Variants in PTGER3 observed in about 807,000 individuals in gnomAD.
PTGER3 encodes prostaglandin E2 receptor EP3 subtype.
PTGER3 carries 22 observed loss-of-function variants against 34.7 expected under a neutral mutation model. The ratio of observed to expected loss-of-function variants is 0.63; its 90% CI spans 0.45 to 0.91. The LOEUF (loss-of-function observed/expected upper bound fraction) is 0.91, where lower values mean the gene tolerates loss of function less well. Among genes scored for constraint, PTGER3 ranks in the 40% least tolerant of loss-of-function variants. The pLI, the probability that PTGER3 is intolerant of heterozygous loss-of-function variation, is 0.00. For synonymous variants in PTGER3, 241 were observed against 230.1 expected, an observed-to-expected ratio of 1.05 and a Z score of -0.43; for missense variants, 468 against 519.4, an observed-to-expected ratio of 0.90 and a Z score of 0.96.
chr1:71,018,609 A>G (rs1658126695), intron 1 of PTGER3, among the ~76,000 whole-genome samples: 2 of 152,160 alleles, frequency 1.3e-5, no homozygotes, highest in African/African-American at 2.4e-5. Context: ...AGAATTATCT[A>G]AAAACTCACT....
intron 2 of PTGER3, chr1:71,008,288 A>G (rs543929717): frequency 1.1e-6 from 1 of 894,308 alleles, no homozygotes; most frequent in East Asian, 1.2e-4. Flanking sequence ...TCAGTAAAGA[A>G]AATGTGTGAC....
At chr1:71,013,466 G>A (rs960463147) in intron 1 of PTGER3, among the ~76,000 whole-genome samples, 8 of 152,190 alleles carry the variant, frequency 5.3e-5, no homozygotes, top group African/African-American at 1.9e-4. Flanking sequence ...ACTTTGGGAG[G>A]CCGAGGCAGG....
chr1:70,880,902 T>C (rs990777835), intron 4 of PTGER3, among the ~76,000 whole-genome samples: 1 of 138,526 alleles, frequency 7.2e-6, no homozygotes, highest in Admixed American at 6.8e-5. Flanking sequence ...TTGTCTTATA[T>C]AGTGTCTTGT....
At chr1:70,974,275 C>T in intron 3 of PTGER3, 22 bp downstream of exon 3, 1 of 1,612,178 alleles carries the variant, frequency 6.2e-7, no homozygotes, top group Non-Finnish European at 8.5e-7. Context: ...TGCTATAAAT[C>T]CCGGCAGTTT....
chr1:70,866,808 A>G (rs1005140213), intron 4 of PTGER3, among the ~76,000 whole-genome samples: 1 of 152,144 alleles, frequency 6.6e-6, no homozygotes. Context: ...TGTAACTCCA[A>G]TCTGGACTTC....
chr1:71,005,563 T>C (rs1358079583), intron 2 of PTGER3, among the ~76,000 whole-genome samples: 1 of 152,228 alleles, frequency 6.6e-6, no homozygotes, highest in Non-Finnish European at 1.5e-5. Context: ...GAGAGCTTGC[T>C]GTTTTTATTA....
At chr1:70,928,712 A>G (rs187668637) in intron 4 of PTGER3, among the ~76,000 whole-genome samples, 43 of 152,324 alleles carry the variant, frequency 2.8e-4, no homozygotes, top group Middle Eastern at 6.8e-3. Flanking sequence ...AACCGGAGAA[A>G]CTTAAATATT....
At chr1:70,876,720 C>A (rs1257459896) in intron 4 of PTGER3, among the ~76,000 whole-genome samples, 1 of 152,044 alleles carries the variant, frequency 6.6e-6, no homozygotes, top group East Asian at 1.9e-4. Context: ...GAGTCCTTTC[C>A]CCATTACTTG....
intron 4 of PTGER3, among the ~76,000 whole-genome samples, chr1:70,853,118 G>T (rs2100420417): frequency 6.6e-6 from 1 of 152,256 alleles, no homozygotes; most frequent in East Asian, 1.9e-4. Context: ...AAAAGAAGAA[G>T]ATCCTATATT....
At chr1:70,993,487 A>G (rs1350470895) in intron 2 of PTGER3, among the ~76,000 whole-genome samples, 1 of 152,218 alleles carries the variant, frequency 6.6e-6, no homozygotes, top group Non-Finnish European at 1.5e-5. Context: ...TTGTACAGTT[A>G]GGCTAAAATG....
intron 4 of PTGER3, among the ~76,000 whole-genome samples, chr1:70,923,860 T>G (rs1647788448): frequency 6.6e-6 from 1 of 152,220 alleles, no homozygotes; most frequent in South Asian, 2.1e-4. Context: ...ATGACTGCAA[T>G]AAGAATCTGT....
chr1:71,025,173 CT>C (rs1224648804), intron 1 of PTGER3, among the ~76,000 whole-genome samples: 1 of 98,944 alleles, frequency 1.0e-5, no homozygotes, highest in East Asian at 2.5e-4. Flanking sequence ...TCTTTCCTTC[CT>C]TTTTTTCCTT....
At position 70,902,803 on chromosome 1, in the gene PTGER3, T is replaced by G. The variant is rs1235892412; in HGVS notation, c.*24-49944A>C. ...ATTTACCAAATCAAAGATTTGGAAC[T>G]GAAATCCACTAGCAAGTGGCAGTTA... On this transcript the variant is annotated intron_variant, in intron 4 of 4. Coordinates refer to the PTGER3 transcript ENST00000370931. 3.9e-5 allele frequency among the ~76,000 whole-genome samples: 6 copies of G among 152,168 alleles called. No homozygotes were observed. The East Asian group carries it at 1.2e-3, about 29-fold the overall frequency.
At chr1:70,988,807 G>A (rs1655164258) in intron 2 of PTGER3, among the ~76,000 whole-genome samples, 1 of 152,046 alleles carries the variant, frequency 6.6e-6, no homozygotes. Flanking sequence ...CATCCCATCA[G>A]CCAGAATAAA....
intron 2 of PTGER3, among the ~76,000 whole-genome samples, chr1:71,004,527 T>C (rs1365206418): frequency 1.3e-5 from 2 of 152,220 alleles, no homozygotes; most frequent in African/African-American, 4.8e-5. Context: ...AGACTAAATA[T>C]GCAAACATCT....
chr1:70,907,389 CAG>C (rs969436768), intron 4 of PTGER3, among the ~76,000 whole-genome samples: 1 of 152,150 alleles, frequency 6.6e-6, no homozygotes, highest in African/African-American at 2.4e-5. Flanking sequence ...TCATAGGTAA[CAG>C]AGAAAAAGAA....
At chr1:71,043,626 A>C (rs916188414) in intron 1 of PTGER3, among the ~76,000 whole-genome samples, 1 of 152,112 alleles carries the variant, frequency 6.6e-6, no homozygotes, top group Admixed American at 6.5e-5. Context: ...CCTATATTAC[A>C]CTCATAGTTA....
At chr1:70,981,387 CTTT>C (rs1557708662) in intron 2 of PTGER3, among the ~76,000 whole-genome samples, 1,711 of 65,424 alleles carry the variant, frequency 0.026, 9 homozygotes, top group South Asian at 0.038. Context: ...TTCTTTCTTT[CTTT>C]CTTTCCTTCC....
intron 4 of PTGER3, among the ~76,000 whole-genome samples, chr1:70,916,357 C>T (rs1043111497): frequency 5.9e-5 from 9 of 151,976 alleles, no homozygotes; most frequent in East Asian, 1.9e-4. Flanking sequence ...AGCTACAATT[C>T]GACCCAGCAA....
Sources: allele counts gnomAD v4.1 joint callset (sites outside exome capture counted in the v4.1 genomes callset), GRCh38; gene constraint gnomAD v4.1.1; transcripts MANE v1.5; gene names NCBI Gene and HGNC (gene_info 2026-07-23, HGNC 2026-07-21).